The following JMJD1C variants were observed in gnomAD, a reference collection of about 807,000 sequenced individuals.
The protein encoded by JMJD1C is jumonji domain-containing protein 1C.
Under a neutral mutation model 245.3 loss-of-function variants are expected in JMJD1C, and 31 were observed. The observed-to-expected ratio is 0.13, with a 90% CI of 0.09 to 0.17. JMJD1C has a LOEUF of 0.17. JMJD1C is among the 10% of genes least tolerant of loss of function. JMJD1C has a pLI of 1.00. For missense variants in JMJD1C, 2,691 were observed against 3,000.2 expected (o/e 0.90, Z 2.41); for synonymous variants, 1,057 against 1,017.4 (o/e 1.04, Z -0.74).
At chr10:63,237,124 G>A (rs934972137) in intron 3 of JMJD1C, among the ~76,000 whole-genome samples, 6 of 151,966 alleles carry the variant, frequency 3.9e-5, no homozygotes, top group South Asian at 2.1e-4. Context: ...TGCAACCTCC[G>A]CTTCCCAGGT....
At chr10:63,204,500 G>C in intron 10 of JMJD1C, 1 of 985,264 alleles carries the variant, frequency 1.0e-6, no homozygotes, top group African/African-American at 1.7e-5. Flanking sequence ...TTTTGTTTTT[G>C]TTTTTTAAGT....
At chr10:63,360,767 C>A (rs557175066) in intron 2 of JMJD1C, among the ~76,000 whole-genome samples, 1 of 151,826 alleles carries the variant, frequency 6.6e-6, no homozygotes, top group Admixed American at 6.6e-5. Context: ...TATATTTAAA[C>A]CTGATTTTAA....
chr10:63,407,076 A>G (rs1949214659), intron 1 of JMJD1C, among the ~76,000 whole-genome samples: 1 of 152,200 alleles, frequency 6.6e-6, no homozygotes, highest in African/African-American at 2.4e-5. Context: ...AAGATAAGCT[A>G]TGCCCCAAAG....
intron 3 of JMJD1C, among the ~76,000 whole-genome samples, chr10:63,243,116 T>TATATATATATATATATATAA (rs1851712874): frequency 1.1e-5 from 1 of 90,862 alleles, no homozygotes; most frequent in African/African-American, 2.8e-5. Flanking sequence ...TATATATATA[T>TATATATATATATATATATAA]ATATATATAA....
At chr10:63,326,443 G>C (rs551578346) in intron 2 of JMJD1C, among the ~76,000 whole-genome samples, 1 of 151,542 alleles carries the variant, frequency 6.6e-6, no homozygotes, top group South Asian at 2.1e-4. Flanking sequence ...ATAAAATATG[G>C]TAACAATTTA....
At chr10:63,418,038 TAGAA>T (rs1949900771) in intron 1 of JMJD1C, among the ~76,000 whole-genome samples, 4 of 152,214 alleles carry the variant, frequency 2.6e-5, no homozygotes, top group Admixed American at 2.6e-4. Context: ...ATTCTCATCA[TAGAA>T]AGATAAATAA....
intron 2 of JMJD1C, among the ~76,000 whole-genome samples, chr10:63,284,921 CTG>C (rs1449518763): frequency 2.6e-5 from 4 of 151,664 alleles, no homozygotes; most frequent in African/African-American, 9.7e-5. Context: ...TCTCTACTCG[CTG>C]TCTCTCACAC....
At chr10:63,238,134 T>C (rs1470084566) in intron 3 of JMJD1C, among the ~76,000 whole-genome samples, 2 of 146,086 alleles carry the variant, frequency 1.4e-5, no homozygotes, top group Non-Finnish European at 3.0e-5. Flanking sequence ...CAAGCCAAGA[T>C]TGTGCCACTG....
At chr10:63,465,450 G>A (rs780222905) in intron 1 of JMJD1C, 45 bp downstream of exon 1, 2 of 1,528,628 alleles carry the variant, frequency 1.3e-6, no homozygotes, top group East Asian at 2.3e-5. Flanking sequence ...TGCGAGAGCC[G>A]GGTGCGGGCG....
At chr10:63,314,972 T>TTTG (rs1939772944) in intron 2 of JMJD1C, among the ~76,000 whole-genome samples, 1 of 149,738 alleles carries the variant, frequency 6.7e-6, no homozygotes, top group Non-Finnish European at 1.5e-5. Context: ...TTTTTTTTTT[T>TTTG]GAGACAGGGT....
chr10:63,399,805 G>T (rs1434676108), intron 1 of JMJD1C, among the ~76,000 whole-genome samples: 3 of 149,064 alleles, frequency 2.0e-5, no homozygotes, highest in East Asian at 2.0e-4. Context: ...ACTTCTTTTG[G>T]GATTATGTAA....
intron 2 of JMJD1C, among the ~76,000 whole-genome samples, chr10:63,316,838 C>T (rs1940131885): frequency 6.6e-6 from 1 of 152,050 alleles, no homozygotes. Context: ...GTATCCACCA[C>T]CTTGAGTATT....
intron 2 of JMJD1C, among the ~76,000 whole-genome samples, chr10:63,345,041 T>C (rs958096685): frequency 1.1e-4 from 17 of 152,128 alleles, no homozygotes; most frequent in Non-Finnish European, 2.9e-5. Context: ...TCTGCCCAAA[T>C]AAAATAAAAA....
rs753082253 is a variant in JMJD1C at position 63,214,525 on chromosome 10, T to C, written c.1642A>G (p.Ile548Val). ...GTTTCCAAGAATTTTGCATTTGCAA[T>C]AGAGTGTTTTGAATCACTAACATTA... ...DPNVSDSKHS[I>V]ANAKFLETAK... Residue 548 changes from isoleucine (I) to valine (V), a missense_variant, in exon 8 of 26, where the codon ATT becomes GTT. By Grantham distance (29) the Ile-to-Val change is conservative. Coordinates refer to ENST00000399262, the MANE Select transcript of JMJD1C (RefSeq NM_032776.3). 25 of 1,613,856 alleles carry C rather than the reference T, an allele frequency of 1.5e-5. No individual in the cohort carries two copies. The highest frequency in any genetic ancestry group is 2.0e-5 in the Non-Finnish European group (24 of 1,179,990).
chr10:63,511,388 C>T (rs1954867500), intron 1 of JMJD1C, among the ~76,000 whole-genome samples: 1 of 152,128 alleles, frequency 6.6e-6, no homozygotes, highest in African/African-American at 2.4e-5. Context: ...CTCTTATATG[C>T]AGATGTCTTT....
intron 2 of JMJD1C, among the ~76,000 whole-genome samples, chr10:63,361,787 A>G (rs1164375756): frequency 6.6e-6 from 1 of 151,924 alleles, no homozygotes; most frequent in Non-Finnish European, 1.5e-5. Context: ...TACACTTAAG[A>G]AATATGGAAA....
intron 1 of JMJD1C, among the ~76,000 whole-genome samples, chr10:63,444,526 G>A (rs1053723311): frequency 2.0e-5 from 3 of 151,998 alleles, no homozygotes; most frequent in Admixed American, 1.3e-4. Context: ...CACCTGCCTC[G>A]GCCTCCCAAA....
chr10:63,474,188 T>G (rs1023906974), intron 1 of JMJD1C, among the ~76,000 whole-genome samples: 3 of 152,168 alleles, frequency 2.0e-5, no homozygotes, highest in Admixed American at 2.0e-4. Context: ...ATCATACCAT[T>G]TGACTCAGTA....
intron 3 of JMJD1C, among the ~76,000 whole-genome samples, chr10:63,263,306 T>C (rs1015476511): frequency 6.6e-6 from 1 of 152,132 alleles, no homozygotes; most frequent in African/African-American, 2.4e-5. Flanking sequence ...CTTCAAAACA[T>C]GAAATAATGT....
Sources: allele counts gnomAD v4.1 joint callset (sites outside exome capture counted in the v4.1 genomes callset), GRCh38; gene constraint gnomAD v4.1.1; transcripts MANE v1.5; gene names NCBI Gene and HGNC (gene_info 2026-07-23, HGNC 2026-07-21).